TOR1B: variants seen among roughly 807,000 people sequenced by gnomAD.
TOR1B encodes the protein torsin family 1 member B.
TOR1B carries 14 observed loss-of-function variants against 29.2 expected under a neutral mutation model. The observed-to-expected ratio is 0.48, with a 90% CI of 0.32 to 0.75. The LOEUF (loss-of-function observed/expected upper bound fraction) is 0.75. Ranked by LOEUF, TOR1B falls within the 30% of genes least tolerant of loss-of-function variation. TOR1B has a pLI of 0.04. For missense variants in TOR1B, 400 were observed against 433.9 expected, an observed-to-expected ratio of 0.92 and a Z score of 0.69; for synonymous variants, 166 against 179.8, an observed-to-expected ratio of 0.92 and a Z score of 0.62.
chr9:129,808,516 A>G (rs1415952213), intron 3 of TOR1B, among the ~76,000 whole-genome samples: 1 of 138,644 alleles, frequency 7.2e-6, no homozygotes, highest in Non-Finnish European at 1.6e-5. Context: ...CTTAGAGCAG[A>G]TTCATTTCTT....
rs1372958626 is a variant in TOR1B at position 129,804,067 on chromosome 9, T to TAG, written c.200-6_200-5insAG. ...TTCTCTCTTTGTTCTGGGGCTGTTC[T>TAG]TGCAGCTCTCAAGCTGGATTTGGAG... On this transcript the variant is annotated splice_region_variant and splice_polypyrimidine_tract_variant and intron_variant, in intron 1 of 4. Coordinates refer to ENST00000259339, the MANE Select transcript of TOR1B (RefSeq NM_014506.3). 1 of 1,613,876 alleles carries TAG rather than the reference T, an allele frequency of 6.2e-7. No individual in the cohort carries two copies. Among genetic ancestry groups the TAG allele is most frequent in the South Asian group, 1.1e-5 (1 of 91,078 alleles).
Position 129,810,262 on chromosome 9 carries a change from G to A in TOR1B, c.*679G>A. ...CTTGAAGTATACTCAGTTAAAATCG[G>A]GGCTGGAGGTGCAGACGGTGTCTGA... On this transcript the variant is annotated 3_prime_UTR_variant, in exon 5 of 5. Transcript: ENST00000259339. 2.3e-6 allele frequency: 3 copies of A among 1,304,034 alleles called. No homozygotes were observed. Among genetic ancestry groups the A allele is most frequent in the Non-Finnish European group, 3.0e-6 (3 of 988,916 alleles). 80.8% of individuals were successfully genotyped at this position (1,304,034 alleles called of 1,614,324 possible). A position where few individuals can be genotyped will look rare whatever the true frequency, so the allele number is the denominator to read the frequency against.
In TOR1B at chr9:129,810,472, T is replaced by A; in HGVS notation, c.*889T>A. 8.7e-7 allele frequency: 1 copy of A among 1,155,116 alleles called. No homozygotes were observed. The highest frequency in any genetic ancestry group is 1.1e-6 in the Non-Finnish European group (1 of 915,226). The allele number at this position is 1,155,116 out of a possible 1,614,324, so 71.6% of individuals were successfully genotyped here. A position where few individuals can be genotyped will look rare whatever the true frequency, so the allele number is the denominator to read the frequency against. ...CTGTGGAATCCTTCACCGTCTCAGCTGGTATCAGCCCCAGCCTGCCTTGTG... is the reference window on the plus strand; with the variant it reads ...CTGTGGAATCCTTCACCGTCTCAGCAGGTATCAGCCCCAGCCTGCCTTGTG... On this transcript the variant is annotated 3_prime_UTR_variant, in exon 5 of 5. Coordinates refer to ENST00000259339, the MANE Select transcript of TOR1B (RefSeq NM_014506.3).
At chr9:129,804,798 G>A (rs1390891060) in intron 2 of TOR1B, among the ~76,000 whole-genome samples, 7 of 131,544 alleles carry the variant, frequency 5.3e-5, no homozygotes, top group Non-Finnish European at 9.3e-5. Flanking sequence ...GGTGGCAGAG[G>A]TTGCAGTGAG....
chr9:129,809,321 C>T (rs1485492442), intron 4 of TOR1B, 21 bp from the exon 5 acceptor site: 2 of 1,612,982 alleles, frequency 1.2e-6, no homozygotes, highest in Admixed American at 1.7e-5. Context: ...GCAGGAAACC[C>T]AGCTGTGTCT....
chr9:129,804,581 C>T (rs2030363209), intron 2 of TOR1B: 1 of 513,344 alleles, frequency 1.9e-6, no homozygotes, highest in Admixed American at 3.5e-5. Context: ...AGCCAAGGGC[C>T]TGGCGCCGTG....
chr9:129,807,825 GAC>G lies in TOR1B; in HGVS notation c.641+464_641+465del, dbSNP rs1397451089. Among the ~76,000 whole-genome samples the G allele has an allele frequency of 2.1e-4, 31 of 148,190 alleles. No individual in the cohort carries two copies. The Admixed American group carries it at 2.1e-3, about 10-fold the overall frequency. On this transcript the variant is annotated intron_variant, in intron 3 of 4. Transcript: ENST00000259339. Reference sequence around the variant, plus strand: ...CACACCACTGCACTCCAGCCTGGGTGACAGAGTGAGACTCTGTCTCAAAAAAA... The same window carrying G: ...CACACCACTGCACTCCAGCCTGGGTGAGAGTGAGACTCTGTCTCAAAAAAA...
chr9:129,804,081 C>A lies in TOR1B; in HGVS notation c.208C>A (p.Leu70Met), dbSNP rs1324040402. The A allele has an allele frequency of 1.9e-6, 3 of 1,613,966 alleles. No homozygotes were observed. Among genetic ancestry groups the A allele is most frequent in the African/African-American group, 2.7e-5 (2 of 74,912 alleles). Residue 70 changes from leucine to methionine, a missense_variant, in exon 2 of 5, where the codon CTG (leucine) becomes ATG (methionine). By Grantham distance (15) the Leu-to-Met change is conservative. Transcript: ENST00000259339. ...ERPLNASALK[L>M]DLEEKLFGQH... The stretch of plus-strand genomic sequence containing the variant: ...TGGGGCTGTTCTTGCAGCTCTCAAG[C>A]TGGATTTGGAGGAGAAGCTGTTTGG...
intron 2 of TOR1B, among the ~76,000 whole-genome samples, chr9:129,805,248 A>G (rs1045208956): frequency 6.6e-6 from 1 of 152,030 alleles, no homozygotes; most frequent in African/African-American, 2.4e-5. Flanking sequence ...TGAGGTCGGG[A>G]GTTCGAGACC....
At chr9:129,805,703 A>G (rs2030442134) in intron 2 of TOR1B, among the ~76,000 whole-genome samples, 1 of 152,192 alleles carries the variant, frequency 6.6e-6, no homozygotes, top group African/African-American at 2.4e-5. Flanking sequence ...GCTCTTTGCA[A>G]TGTAGCCTAG....
chr9:129,807,178 G>T lies in TOR1B; in HGVS notation c.466-10G>T, dbSNP rs776860402. The T allele has an allele frequency of 5.6e-6, 9 of 1,612,020 alleles. No homozygotes were observed. Among genetic ancestry groups the T allele is most frequent in the Non-Finnish European group, 7.6e-6 (9 of 1,178,508 alleles). ...TTCGCATCCTGTTTCTTCTTTCATG[G>T]TTGGTCCAGGACCAGTTACAGAAGT... On this transcript the variant is annotated splice_polypyrimidine_tract_variant and intron_variant, in intron 2 of 4. Transcript: ENST00000259339.
rs763668327 is a variant in TOR1B at position 129,808,997 on chromosome 9, C to T, written c.734C>T (p.Pro245Leu). 3 of 1,613,702 alleles carry T rather than the reference C, an allele frequency of 1.9e-6. No individual in the cohort carries two copies. Among genetic ancestry groups the T allele is most frequent in the South Asian group, 1.1e-5 (1 of 91,070 alleles). Residue 245 changes from proline to leucine, a missense_variant, in exon 4 of 5, where the codon CCT becomes CTT. By Grantham distance (98) the Pro-to-Leu change is moderately conservative. Transcript: ENST00000259339. ...GACATTCAGCTGAAGGACCTGGAAC[C>T]TGTACTGTCTGTCGGAGTCTTCAAT... ...REDIQLKDLE[P>L]VLSVGVFNNK...
chr9:129,806,120 C>CAAAAAAAA (rs34263616), intron 2 of TOR1B, among the ~76,000 whole-genome samples: 1 of 122,616 alleles, frequency 8.2e-6, no homozygotes, highest in Non-Finnish European at 1.7e-5. Context: ...GACTCTATCT[C>CAAAAAAAA]AAAAAAAAAA....
chr9:129,803,386 C>G lies in TOR1B; in HGVS notation c.174C>G (p.Arg58=). Residue 58 remains arginine (R), a synonymous_variant, in exon 1 of 5, where the codon CGC becomes CGG. Transcript: ENST00000259339. The part of the protein sequence containing the change: ...DIYCRFAECC[R]EERPLNASAL... Reference sequence around the variant, plus strand: ...ACTGCCGCTTCGCCGAGTGCTGCCGCGAGGAGCGGCCGCTCAACGCTTCGG... The same window carrying G: ...ACTGCCGCTTCGCCGAGTGCTGCCGGGAGGAGCGGCCGCTCAACGCTTCGG... 1.3e-6 allele frequency: 2 copies of G among 1,551,292 alleles called. No homozygotes were observed. Among genetic ancestry groups the G allele is most frequent in the South Asian group, 2.3e-5 (2 of 85,112 alleles).
intron 2 of TOR1B, among the ~76,000 whole-genome samples, chr9:129,804,827 A>T (rs1465994352): frequency 9.2e-6 from 1 of 108,486 alleles, no homozygotes; most frequent in African/African-American, 4.0e-5. Context: ...GCGCCACCGT[A>T]CTCGGTCTCA....
In TOR1B at chr9:129,809,480, T is replaced by C; in HGVS notation, c.908T>C (p.Ile303Thr). 6.2e-7 allele frequency: 1 copy of C among 1,614,140 alleles called. No individual in the cohort carries two copies. Among genetic ancestry groups the C allele is most frequent in the Non-Finnish European group, 8.5e-7 (1 of 1,180,006 alleles). The change falls in exon 5 of 5, where the codon ATT becomes ACT. Residue 303 changes from isoleucine (I) to threonine (T), a missense_variant. Coordinates refer to ENST00000259339, the MANE Select transcript of TOR1B (RefSeq NM_014506.3). ...CGTGGTTCTGCCATAGATGAAGACATTGTCACAAGAGTGGCAGAGGAAATG... is the reference window on the plus strand; with the variant it reads ...CGTGGTTCTGCCATAGATGAAGACACTGTCACAAGAGTGGCAGAGGAAATG... ...RARGSAIDEDIVTRVAEEMTF... is the reference protein window; with the variant it reads ...RARGSAIDEDTVTRVAEEMTF...
Position 129,804,287 on chromosome 9 carries a change from G to A in TOR1B, c.414G>A (p.Leu138=). 6.2e-7 allele frequency: 1 copy of A among 1,614,166 alleles called. No homozygotes were observed. Among genetic ancestry groups the A allele is most frequent in the South Asian group, 1.1e-5 (1 of 91,086 alleles). The change falls in exon 2 of 5, where the codon CTG becomes CTA. Residue 138 remains leucine, a synonymous_variant. Transcript: ENST00000259339. ...PKGLKSNFVH[L]FVSTLHFPHE... is the part of the protein sequence containing the mutation. ...GTCTGAAGAGTAACTTTGTCCACCT[G>A]TTTGTATCGACTCTGCACTTCCCTC...
chr9:129,803,234 CG>C lies in TOR1B; in HGVS notation c.26del (p.Gly9AlafsTer24). The C allele has an allele frequency of 6.5e-7, 1 of 1,532,198 alleles. No individual in the cohort carries two copies. 94.9% of individuals were successfully genotyped at this position (1,532,198 alleles called of 1,614,324 possible). ...CGGGATGTTGCGGGCTGGGTGGCTCCGGGGCGCGGCGGCGCTGGCGCTGCTG... is the reference window on the plus strand; with the variant it reads ...CGGGATGTTGCGGGCTGGGTGGCTCCGGGCGCGGCGGCGCTGGCGCTGCTG... MLRAGWLRGAAALALLLA... is the reference protein window; with the variant it reads MLRAGWLXGAAALALLLA... On this transcript the variant is annotated frameshift_variant, in exon 1 of 5. Transcript: ENST00000259339. LOFTEE classifies it high-confidence loss of function.
At position 129,810,303 on chromosome 9, in the gene TOR1B, G is replaced by A. The variant is rs1367628045; in HGVS notation, c.*720G>A. ...CGGTGTCTGACCGGAGGATGTGGCC[G>A]TGCCCGCCGAGCACTCTTGATCTGA... On this transcript the variant is annotated 3_prime_UTR_variant, in exon 5 of 5. Coordinates refer to ENST00000259339, the MANE Select transcript of TOR1B (RefSeq NM_014506.3). 64 of 1,301,804 alleles carry A rather than the reference G, an allele frequency of 4.9e-5. No homozygotes were observed. Among genetic ancestry groups the A allele is most frequent in the African/African-American group, 7.7e-5 (5 of 65,324 alleles). 80.6% of individuals were successfully genotyped at this position (1,301,804 alleles called of 1,614,324 possible).
Sources: allele counts gnomAD v4.1 joint callset (sites outside exome capture counted in the v4.1 genomes callset), GRCh38; gene constraint gnomAD v4.1.1; transcripts MANE v1.5; gene names NCBI Gene and HGNC (gene_info 2026-07-23, HGNC 2026-07-21).